Variants in RPS6KC1 observed in about 807,000 individuals in gnomAD.
The protein encoded by RPS6KC1 is ribosomal protein S6 kinase C1.
RPS6KC1 carries 54 observed loss-of-function variants against 103.8 expected under a neutral mutation model. The observed-to-expected ratio is 0.52, with a 90% CI of 0.42 to 0.65. RPS6KC1 has a LOEUF of 0.65. RPS6KC1 is among the 30% of genes least tolerant of loss of function. The pLI is 0.00. For synonymous variants in RPS6KC1, 439 were observed against 438.7 expected, an observed-to-expected ratio of 1.00 and a Z score of -0.01; for missense variants, 1,151 against 1,253.8, an observed-to-expected ratio of 0.92 and a Z score of 1.24.
At chr1:213,397,736 C>T in the RPS6KC1 span, among the ~76,000 whole-genome samples, 3 of 152,016 alleles carry the variant, frequency 2.0e-5, no homozygotes, top group Non-Finnish European at 4.4e-5. Context: ...ATTTTAAAAG[C>T]AAATGGACTC....
At chr1:213,343,225 AG>A in the RPS6KC1 span, among the ~76,000 whole-genome samples, 1 of 151,352 alleles carries the variant, frequency 6.6e-6, no homozygotes, top group African/African-American at 2.4e-5. Flanking sequence ...TAGAGCAAAA[AG>A]AAAAAAATAT....
chr1:213,149,499 C>T (rs905550599), intron 6 of RPS6KC1, among the ~76,000 whole-genome samples: 2 of 152,154 alleles, frequency 1.3e-5, no homozygotes, highest in African/African-American at 4.8e-5. Context: ...CCATTGTGGT[C>T]AGAGAAGGTC....
At chr1:213,576,421 A>G in the RPS6KC1 span, among the ~76,000 whole-genome samples, 1 of 146,334 alleles carries the variant, frequency 6.8e-6, no homozygotes, top group East Asian at 2.0e-4. Context: ...CCCTGACTTG[A>G]GCAAGTCTAT....
intron 4 of RPS6KC1, among the ~76,000 whole-genome samples, chr1:213,106,899 T>C (rs919692152): frequency 6.6e-6 from 1 of 152,176 alleles, no homozygotes; most frequent in Non-Finnish European, 1.5e-5. Flanking sequence ...AGTAAATTTA[T>C]AGAGTTTTGC....
the RPS6KC1 span, among the ~76,000 whole-genome samples, chr1:213,474,765 A>C: frequency 6.6e-6 from 1 of 152,304 alleles, no homozygotes; most frequent in East Asian, 1.9e-4. Flanking sequence ...AAATGAGGCT[A>C]TTACAGACTC....
At chr1:213,655,069 G>C in the RPS6KC1 span, among the ~76,000 whole-genome samples, 1 of 152,124 alleles carries the variant, frequency 6.6e-6, no homozygotes, top group Non-Finnish European at 1.5e-5. Flanking sequence ...TTGAGAAAAA[G>C]TCTCATTCTG....
chr1:213,482,521 T>G, the RPS6KC1 span, among the ~76,000 whole-genome samples: 7,681 of 150,116 alleles, frequency 0.051, 370 homozygotes, highest in East Asian at 0.26. Flanking sequence ...GGCTTCATTT[T>G]TTTTCAACCT....
chr1:213,109,700 G>GTGC, intron 4 of RPS6KC1, among the ~76,000 whole-genome samples: 1 of 152,210 alleles, frequency 6.6e-6, no homozygotes, highest in Non-Finnish European at 1.5e-5. Context: ...GTGTGTGTTG[G>GTGC]TGCATATTTG....
At chr1:213,454,307 G>A in the RPS6KC1 span, among the ~76,000 whole-genome samples, 5 of 152,086 alleles carry the variant, frequency 3.3e-5, no homozygotes, top group African/African-American at 4.8e-5. Context: ...ACCCCTTCAA[G>A]GGCTATTTTA....
the RPS6KC1 span, among the ~76,000 whole-genome samples, chr1:213,565,554 C>G: frequency 1.3e-5 from 2 of 152,116 alleles, no homozygotes; most frequent in Non-Finnish European, 2.9e-5. Context: ...CGCAATAAAA[C>G]TAATCTACAG....
chr1:213,146,449 G>A (rs1310540313), intron 6 of RPS6KC1, among the ~76,000 whole-genome samples: 1 of 146,500 alleles, frequency 6.8e-6, no homozygotes, highest in Non-Finnish European at 1.5e-5. Context: ...TTGAGACAGA[G>A]TCTTGCTTTG....
intron 10 of RPS6KC1, among the ~76,000 whole-genome samples, chr1:213,234,927 T>A (rs2094189719): frequency 6.6e-6 from 1 of 152,118 alleles, no homozygotes; most frequent in African/African-American, 2.4e-5. Context: ...TGTAATGGAT[T>A]TGAGATTAGG....
the RPS6KC1 span, among the ~76,000 whole-genome samples, chr1:213,348,452 T>G: frequency 6.6e-6 from 1 of 152,218 alleles, no homozygotes; most frequent in East Asian, 1.9e-4. Context: ...TCTGCAAAAC[T>G]GTTCTTGCTC....
At chr1:213,803,881 A>G in the RPS6KC1 span, among the ~76,000 whole-genome samples, 1 of 147,610 alleles carries the variant, frequency 6.8e-6, no homozygotes, top group East Asian at 2.0e-4. Context: ...GTGAATCTAT[A>G]TCATGGGGAT....
At chr1:213,672,289 C>T in the RPS6KC1 span, among the ~76,000 whole-genome samples, 1 of 152,324 alleles carries the variant, frequency 6.6e-6, no homozygotes, top group South Asian at 2.1e-4. Flanking sequence ...CTCTTTTCTC[C>T]CTTTCTCATC....
chr1:213,853,460 C>A, the RPS6KC1 span, among the ~76,000 whole-genome samples: 1 of 152,180 alleles, frequency 6.6e-6, no homozygotes, highest in Non-Finnish European at 1.5e-5. Flanking sequence ...ACAATGTGAT[C>A]TAAAATGCCT....
chr1:213,489,328 G>A, the RPS6KC1 span, among the ~76,000 whole-genome samples: 1 of 152,178 alleles, frequency 6.6e-6, no homozygotes, highest in Non-Finnish European at 1.5e-5. Context: ...GGGCTGGATG[G>A]GAAGTGAATG....
chr1:213,490,983 A>G, the RPS6KC1 span, among the ~76,000 whole-genome samples: 10 of 152,192 alleles, frequency 6.6e-5, no homozygotes, highest in Admixed American at 5.9e-4. Flanking sequence ...ACTGCTCGTG[A>G]TGGGAACTGG....
the RPS6KC1 span, among the ~76,000 whole-genome samples, chr1:213,702,846 G>GTTTTTTT: frequency 5.0e-4 from 64 of 128,754 alleles, no homozygotes; most frequent in East Asian, 3.3e-3. Context: ...GATCATTGAG[G>GTTTTTTT]TTTTTTTTGT....
Sources: gnomAD v4.1 joint callset for allele counts (sites outside exome capture counted in the v4.1 genomes callset) on GRCh38, gnomAD v4.1.1 for gene constraint, MANE v1.5 for transcripts, NCBI Gene and HGNC (gene_info 2026-07-23, HGNC 2026-07-21) for gene names.